Variants in MBTPS1 observed in about 807,000 individuals in gnomAD.
MBTPS1 encodes the protein membrane bound transcription factor peptidase, site 1.
MBTPS1 carries 94 observed loss-of-function variants against 127.8 expected under a neutral mutation model. The observed-to-expected ratio is 0.74, with a 90% CI of 0.62 to 0.87. The LOEUF is 0.87. Among genes scored for constraint, MBTPS1 ranks in the 40% least tolerant of loss-of-function variants. The pLI, the probability that MBTPS1 is intolerant of heterozygous loss-of-function variation, is 0.00. For synonymous variants in MBTPS1, 632 were observed against 509.4 expected (o/e 1.24, Z -3.24); for missense variants, 1,636 against 1,353.2 (o/e 1.21, Z -3.28).
intron 21 of MBTPS1, among the ~76,000 whole-genome samples, chr16:84,058,558 A>C (rs1192083573): frequency 6.6e-6 from 1 of 152,176 alleles, no homozygotes; most frequent in Non-Finnish European, 1.5e-5. Context: ...TCTCAGGAGA[A>C]GCTCCCCCTT....
At position 84,066,631 on chromosome 16, in the gene MBTPS1, G is replaced by A; in HGVS notation, c.2229-18C>T. On this transcript the variant is annotated intron_variant, in intron 16 of 22. Coordinates refer to ENST00000343411, the MANE Select transcript of MBTPS1 (RefSeq NM_003791.4). ...ACCACTGCCTGGGAAAGTGGTAACA[G>A]ACACACAGGGAACAGGGAATGAAGA... The A allele has an allele frequency of 2.5e-6, 4 of 1,613,226 alleles. No individual in the cohort carries two copies. Among genetic ancestry groups the A allele is most frequent in the Non-Finnish European group, 2.5e-6 (3 of 1,179,570 alleles).
Position 84,063,288 on chromosome 16 carries a change from A to G in MBTPS1, c.2572+17T>C, listed in dbSNP as rs1280957551. ...TCTGAGTGCCGAAGTCACAAAGTCC[A>G]TCTGCGTTTTTCCTACCCTTCTGTC... On this transcript the variant is annotated intron_variant, in intron 19 of 22. Transcript: ENST00000343411. 6.2e-7 allele frequency: 1 copy of G among 1,601,682 alleles called. No homozygotes were observed. The highest frequency in any genetic ancestry group is 1.1e-5 in the South Asian group (1 of 90,512).
chr16:84,102,949 T>G (rs1158769222), intron 1 of MBTPS1, among the ~76,000 whole-genome samples: 1 of 152,192 alleles, frequency 6.6e-6, no homozygotes, highest in Non-Finnish European at 1.5e-5. Context: ...TAAAACCAGA[T>G]TATCTCTTTA....
At chr16:84,099,362 C>T (rs2086223506) in intron 2 of MBTPS1, 52 bp from the exon 3 acceptor site, 1 of 1,550,144 alleles carries the variant, frequency 6.5e-7, no homozygotes. Flanking sequence ...TACATTATAA[C>T]ATATACTATA....
intron 10 of MBTPS1, 43 bp downstream of exon 10, chr16:84,084,940 G>A: frequency 6.3e-7 from 1 of 1,598,998 alleles, no homozygotes; most frequent in South Asian, 1.1e-5. Context: ...GAGTGCTCCT[G>A]TCCTGACGTG....
rs1015123443 is a variant in MBTPS1 at position 84,055,932 on chromosome 16, G to A, written c.2962+73C>T. On this transcript the variant is annotated intron_variant, in intron 22 of 22. Transcript: ENST00000343411. ...ACAGGGAGAGTCTGGCCCGCCTCCT[G>A]GGGAGGGAGGGAGACTCCTTTGAAC... 2.6e-4 allele frequency: 364 copies of A among 1,393,480 alleles called. 1 individual carries two copies. Among genetic ancestry groups the A allele is most frequent in the Admixed American group, 1.2e-3 (52 of 42,422 alleles). 86.3% of individuals were successfully genotyped at this position (1,393,480 alleles called of 1,614,324 possible).
chr16:84,065,404 T>TCG, intron 18 of MBTPS1, among the ~76,000 whole-genome samples: 1 of 152,258 alleles, frequency 6.6e-6, no homozygotes, highest in Non-Finnish European at 1.5e-5. Context: ...TCAAGTAATA[T>TCG]TGCAATAAAT....
Position 84,093,176 on chromosome 16 carries a change from C to G in MBTPS1, c.846+12G>C. 6.3e-7 allele frequency: 1 copy of G among 1,576,518 alleles called. No individual in the cohort carries two copies. The highest frequency in any genetic ancestry group is 8.7e-7 in the Non-Finnish European group (1 of 1,145,692). On this transcript the variant is annotated intron_variant, in intron 6 of 22. Transcript: ENST00000343411. Reference sequence around the variant, plus strand: ...GAATTCCTCAAGTTTCAGGAGTCCTCAAAACACCTACCTGATTATTGGTAA... The same window carrying G: ...GAATTCCTCAAGTTTCAGGAGTCCTGAAAACACCTACCTGATTATTGGTAA...
intron 1 of MBTPS1, among the ~76,000 whole-genome samples, chr16:84,110,260 G>T (rs1342650283): frequency 6.6e-6 from 1 of 152,188 alleles, no homozygotes; most frequent in Non-Finnish European, 1.5e-5. Flanking sequence ...GAAACTAAAA[G>T]CATATCTCAT....
In MBTPS1 at chr16:84,101,666, G is replaced by A. The variant is rs1167762631; in HGVS notation, c.118C>T (p.His40Tyr). The change falls in exon 2 of 23, where the codon CAC (histidine) becomes TAC (tyrosine). Residue 40 changes from histidine to tyrosine, a missense_variant. His to Tyr is a moderately conservative substitution (Grantham distance 83, BLOSUM62 2). Transcript: ENST00000343411. The part of the protein sequence containing the change: ...FEKAPCPGCS[H>Y]LTLKVEFSST... Reference sequence around the variant, plus strand: ...GAGAATTCCACCTTCAAAGTCAGGTGGGAACAGCCAGGGCATGGGGCCTTT... The same window carrying A: ...GAGAATTCCACCTTCAAAGTCAGGTAGGAACAGCCAGGGCATGGGGCCTTT... 1 of 1,614,074 alleles carries A rather than the reference G, an allele frequency of 6.2e-7. No individual in the cohort carries two copies. Among genetic ancestry groups the A allele is most frequent in the East Asian group, 2.2e-5 (1 of 44,890 alleles).
intron 16 of MBTPS1, 32 bp from the exon 17 acceptor site, chr16:84,066,645 A>G (rs1176139460): frequency 6.2e-7 from 1 of 1,611,126 alleles, no homozygotes. Flanking sequence ...CACAGGGAAC[A>G]GGGAATGAAG....
intron 19 of MBTPS1, 109 bp from the exon 20 acceptor site, chr16:84,060,922 CT>C: frequency 8.4e-6 from 9 of 1,076,604 alleles, no homozygotes; most frequent in Non-Finnish European, 1.1e-5. Context: ...CAGCCTTGAG[CT>C]CCTGGGCTCA....
intron 8 of MBTPS1, 25 bp from the exon 9 acceptor site, chr16:84,087,485 A>G (rs1257968745): frequency 1.4e-6 from 2 of 1,397,180 alleles, no homozygotes; most frequent in Admixed American, 2.1e-5. Flanking sequence ...AAAAAAAAAA[A>G]AAAGAAAAGA....
chr16:84,055,667 C>A (rs2085511497), intron 22 of MBTPS1, among the ~76,000 whole-genome samples: 1 of 134,902 alleles, frequency 7.4e-6, no homozygotes, highest in African/African-American at 2.7e-5. Context: ...AGACAGGCAT[C>A]CTGTAAGGGA....
Position 84,099,034 on chromosome 16 carries a change from C to A in MBTPS1, c.421+19G>T. The A allele has an allele frequency of 6.2e-7, 1 of 1,609,166 alleles. No individual in the cohort carries two copies. Among genetic ancestry groups the A allele is most frequent in the Non-Finnish European group, 8.5e-7 (1 of 1,176,754 alleles). On this transcript the variant is annotated intron_variant, in intron 3 of 22. Coordinates refer to ENST00000343411, the MANE Select transcript of MBTPS1 (RefSeq NM_003791.4). ...AAGTAAACAGCAGAGAGAAATTTGCCTACAGTCACAATACTCACATTCAGC... is the reference window on the plus strand; with the variant it reads ...AAGTAAACAGCAGAGAGAAATTTGCATACAGTCACAATACTCACATTCAGC...
In MBTPS1 at chr16:84,092,694, T is replaced by A. The variant is rs74546335; in HGVS notation, c.846+494A>T. Among the ~76,000 whole-genome samples, 574 of 152,286 alleles carry A rather than the reference T, an allele frequency of 3.8e-3. 4 individuals are homozygous for A. Among genetic ancestry groups the A allele is most frequent in the African/African-American group, 0.013 (543 of 41,542 alleles). ...AAAAGAAACAAATACTAGGACCCTC[T>A]CCCTTTTCTATAGTTTCCAAATGAA... On this transcript the variant is annotated intron_variant, in intron 6 of 22. Coordinates refer to ENST00000343411, the MANE Select transcript of MBTPS1 (RefSeq NM_003791.4).
chr16:84,112,673 A>AC (rs931695037), intron 1 of MBTPS1, among the ~76,000 whole-genome samples: 35 of 149,998 alleles, frequency 2.3e-4, no homozygotes, highest in East Asian at 7.9e-4. Context: ...AAAAAAACAA[A>AC]AAAAAACAAA....
intron 3 of MBTPS1, among the ~76,000 whole-genome samples, chr16:84,098,795 C>T (rs1200992377): frequency 6.6e-6 from 1 of 152,128 alleles, no homozygotes; most frequent in Non-Finnish European, 1.5e-5. Context: ...TCACTACCAT[C>T]TACTACTGCA....
Position 84,093,262 on chromosome 16 carries a change from C to CT in MBTPS1, c.771dup (p.Ala258SerfsTer24). On this transcript the variant is annotated frameshift_variant, in exon 6 of 23. Coordinates refer to ENST00000343411, the MANE Select transcript of MBTPS1 (RefSeq NM_003791.4). LOFTEE classifies it high-confidence loss of function. Reference sequence around the variant, plus strand: ...AATCCTTGGCACTCCCTCATGCTGGCTATCACACCTGCCACGAATGTGCCA... The same window carrying CT: ...AATCCTTGGCACTCCCTCATGCTGGCTTATCACACCTGCCACGAATGTGCCA... 6.2e-7 allele frequency: 1 copy of CT among 1,614,010 alleles called. No individual in the cohort carries two copies. Among genetic ancestry groups the CT allele is most frequent in the Non-Finnish European group, 8.5e-7 (1 of 1,179,888 alleles).
Sources: allele counts gnomAD v4.1 joint callset (sites outside exome capture counted in the v4.1 genomes callset), GRCh38; gene constraint gnomAD v4.1.1; transcripts MANE v1.5; gene names NCBI Gene and HGNC (gene_info 2026-07-23, HGNC 2026-07-21).